Variants in PBX1 observed in about 807,000 individuals in gnomAD.
PBX1 encodes the protein pre-B-cell leukemia transcription factor 1.
A neutral mutation model predicts 53.4 loss-of-function variants in PBX1; 6 were observed. The ratio of observed to expected loss-of-function variants is 0.11; its 90% CI spans 0.06 to 0.22. The LOEUF is 0.22. Ranked by LOEUF, PBX1 falls within the 10% of genes least tolerant of loss-of-function variation. The probability of loss-of-function intolerance (pLI) is 1.00; values close to 1 mark genes in which losing one functional copy is unlikely to be tolerated. For missense variants in PBX1, 251 were observed against 551.4 expected (o/e 0.46, Z 5.46); for synonymous variants, 204 against 212.3 (o/e 0.96, Z 0.34).
At chr1:164,885,955 C>A (rs1170023624) in intron 2 of PBX1, among the ~76,000 whole-genome samples, 3 of 152,088 alleles carry the variant, frequency 2.0e-5, no homozygotes, top group Non-Finnish European at 4.4e-5. Context: ...AATGTATGCT[C>A]TATAAGGGCA....
intron 2 of PBX1, chr1:164,626,189 A>C: frequency 1.3e-6 from 1 of 773,430 alleles, no homozygotes; most frequent in Non-Finnish European, 1.6e-6. Context: ...GATTCATGAC[A>C]TGGGCTGCTG....
intron 2 of PBX1, among the ~76,000 whole-genome samples, chr1:164,716,729 C>CACACACACACACAG (rs796685795): frequency 1.0e-4 from 14 of 140,474 alleles, no homozygotes; most frequent in African/African-American, 3.4e-4. Context: ...CACACACACA[C>CACACACACACACAG]AGAAATACAC....
chr1:164,796,139 A>G (rs558248774), intron 3 of PBX1, among the ~76,000 whole-genome samples: 22 of 151,620 alleles, frequency 1.5e-4, no homozygotes, highest in African/African-American at 3.6e-4. Flanking sequence ...CCACCCAAGC[A>G]GCTGGGAATA....
intron 2 of PBX1, among the ~76,000 whole-genome samples, chr1:164,597,232 C>T (rs548238434): frequency 9.2e-5 from 14 of 152,216 alleles, no homozygotes; most frequent in Non-Finnish European, 1.9e-4. Flanking sequence ...CAACCAGTTA[C>T]CTCACTTCTT....
At position 164,633,585 on chromosome 1, in the gene PBX1, T is replaced by G. The variant is rs146778732; in HGVS notation, c.265+70274T>G. ...TCTGGTAGAATTTGAATGGTGTACG[T>G]TATCATGAATACTGAATTACCTGAG... On this transcript the variant is annotated intron_variant, in intron 2 of 8. Coordinates refer to ENST00000420696, the MANE Select transcript of PBX1 (RefSeq NM_002585.4). 8.4e-3 allele frequency among the ~76,000 whole-genome samples: 1,272 copies of G among 152,322 alleles called. 14 individuals carry two copies. Among genetic ancestry groups the G allele is most frequent in the Non-Finnish European group, 1.0e-2 (680 of 68,036 alleles).
intron 2 of PBX1, among the ~76,000 whole-genome samples, chr1:164,626,941 G>A (rs577354894): frequency 1.3e-5 from 2 of 152,228 alleles, no homozygotes; most frequent in South Asian, 2.1e-4. Flanking sequence ...GGAATACACA[G>A]CAACCATAAA....
chr1:164,603,056 A>ATCCG (rs1231594038), intron 2 of PBX1, among the ~76,000 whole-genome samples: 1 of 151,376 alleles, frequency 6.6e-6, no homozygotes, highest in African/African-American at 2.4e-5. Flanking sequence ...CTTCCTTATA[A>ATCCG]TCCGTCCCTT....
At chr1:164,839,702 C>A (rs1001690961) in intron 8 of PBX1, among the ~76,000 whole-genome samples, 1 of 152,248 alleles carries the variant, frequency 6.6e-6, no homozygotes, top group Non-Finnish European at 1.5e-5. Context: ...TTTGCAGCAG[C>A]GTAAACTACA....
rs371353274 is a variant in PBX1, at chr1:164,861,567, G to T, written n.257+30084G>T. ...ATAAGGAAAAAACTTTGACCAAATTGTCTGTTGTCAGGGATCTTAGGTTCC... is the reference window on the plus strand; with the variant it reads ...ATAAGGAAAAAACTTTGACCAAATTTTCTGTTGTCAGGGATCTTAGGTTCC... On this transcript the variant is annotated intron_variant and non_coding_transcript_variant, in intron 2 of 2. Transcript: ENST00000558796. Among the ~76,000 whole-genome samples the T allele has an allele frequency of 1.2e-4, 19 of 152,254 alleles. No homozygotes were observed. The East Asian group carries it at 2.5e-3, about 20-fold the overall frequency.
At chr1:164,747,456 G>A (rs1485682256) in intron 2 of PBX1, among the ~76,000 whole-genome samples, 2 of 152,010 alleles carry the variant, frequency 1.3e-5, no homozygotes, top group Non-Finnish European at 2.9e-5. Flanking sequence ...GGCCTGTTAT[G>A]GATGTAACAT....
chr1:164,788,757 C>CCG (rs1553246593), intron 2 of PBX1, among the ~76,000 whole-genome samples: 4 of 137,710 alleles, frequency 2.9e-5, no homozygotes, highest in African/African-American at 5.4e-5. Context: ...CGCCCTCCCC[C>CCG]CCCCGCCCTT....
chr1:164,864,963 C>T (rs551292907), intron 2 of PBX1, among the ~76,000 whole-genome samples: 2 of 152,186 alleles, frequency 1.3e-5, no homozygotes, highest in Non-Finnish European at 2.9e-5. Context: ...CGAGGTCATC[C>T]GTCTGATCTA....
intron 8 of PBX1, among the ~76,000 whole-genome samples, chr1:164,826,827 G>C (rs1201143503): frequency 6.6e-6 from 1 of 152,148 alleles, no homozygotes; most frequent in South Asian, 2.1e-4. Flanking sequence ...ATGGAAATAA[G>C]TGTCAGCATT....
chr1:164,733,860 G>T (rs1665130949), intron 2 of PBX1, among the ~76,000 whole-genome samples: 1 of 152,104 alleles, frequency 6.6e-6, no homozygotes, highest in African/African-American at 2.4e-5. Flanking sequence ...CCGACTAAAA[G>T]AAAACAACTT....
chr1:164,673,466 T>C (rs1338653461), intron 2 of PBX1, among the ~76,000 whole-genome samples: 2 of 71,014 alleles, frequency 2.8e-5, no homozygotes, highest in Non-Finnish European at 5.8e-5. Context: ...AATTACTAAC[T>C]TTTTTTTTTT....
At chr1:164,743,361 T>C (rs570420135) in intron 2 of PBX1, among the ~76,000 whole-genome samples, 26 of 152,302 alleles carry the variant, frequency 1.7e-4, no homozygotes, top group African/African-American at 6.0e-4. Context: ...TAAGGCATCC[T>C]CAGGACTCAA....
At chr1:164,638,828 C>T (rs1658946170) in intron 2 of PBX1, among the ~76,000 whole-genome samples, 1 of 152,178 alleles carries the variant, frequency 6.6e-6, no homozygotes, top group African/African-American at 2.4e-5. Flanking sequence ...GAGTGCCGGC[C>T]TTTACTGTTT....
chr1:164,793,872 C>CTTTTTTTTTTTTTTTTTTTTCCTTTT (rs72414989), intron 3 of PBX1, among the ~76,000 whole-genome samples: 1 of 78,212 alleles, frequency 1.3e-5, no homozygotes, highest in African/African-American at 5.1e-5. Flanking sequence ...TTTTTCCTTT[C>CTTTTTTTTTTTTTTTTTTTTCCTTTT]TTTTTTTTTT....
intron 3 of PBX1, among the ~76,000 whole-genome samples, chr1:164,796,336 A>G (rs1011780835): frequency 2.6e-5 from 4 of 152,150 alleles, no homozygotes; most frequent in Non-Finnish European, 5.9e-5. Flanking sequence ...CTGTCATATT[A>G]TAATAGATAA....
Sources: allele counts gnomAD v4.1 joint callset (sites outside exome capture counted in the v4.1 genomes callset), GRCh38; gene constraint gnomAD v4.1.1; transcripts MANE v1.5; gene names NCBI Gene and HGNC (gene_info 2026-07-23, HGNC 2026-07-21).